Variants in ABTB1 observed in about 807,000 individuals in gnomAD.
ABTB1 encodes ankyrin repeat and BTB domain containing 1, also known as ankyrin repeat and BTB/POZ domain-containing protein 1.
A neutral mutation model predicts 57.1 loss-of-function variants in ABTB1; 45 were observed. The observed-to-expected ratio is 0.79, with a 90% CI of 0.62 to 1.01. ABTB1 has a LOEUF of 1.01. Ranked by LOEUF, ABTB1 falls within the 50% of genes least tolerant of loss-of-function variation. ABTB1 has a pLI of 0.00. For synonymous variants in ABTB1, 302 were observed against 275.4 expected, an observed-to-expected ratio of 1.10 and a Z score of -0.95; for missense variants, 630 against 666.3, an observed-to-expected ratio of 0.95 and a Z score of 0.60.
chr3:127,674,815 GC>G (rs1463784399), intron 3 of ABTB1, among the ~76,000 whole-genome samples: 1 of 152,162 alleles, frequency 6.6e-6, no homozygotes, highest in Non-Finnish European at 1.5e-5. Context: ...TACGACCTGG[GC>G]CCAGTCATCA....
At position 127,675,638 on chromosome 3, in the gene ABTB1, A is replaced by G. The variant is rs116608050; in HGVS notation, c.176-332A>G. ...AGTGGGTTGATTGTCCTGCCTCACT[A>G]GAGTATAAGTTCAGCAGGACAGGGA... On this transcript the variant is annotated intron_variant, in intron 3 of 11. Transcript: ENST00000232744. The G allele has an allele frequency of 7.4e-3, 2,478 of 334,708 alleles. 58 individuals carry two copies. Among genetic ancestry groups the G allele is most frequent in the African/African-American group, 0.034 (1,681 of 49,144 alleles). The allele number at this position is 334,708 out of a possible 1,614,324, so 20.7% of individuals were successfully genotyped here.
intron 10 of ABTB1, 35 bp downstream of exon 10, chr3:127,677,878 A>G (rs1201116638): frequency 1.2e-6 from 2 of 1,602,522 alleles, no homozygotes; most frequent in African/African-American, 1.3e-5. Context: ...ATGGCACACA[A>G]CCTGTGCTGC....
intron 8 of ABTB1, 77 bp downstream of exon 8, chr3:127,677,363 A>G: frequency 6.4e-7 from 1 of 1,561,396 alleles, no homozygotes; most frequent in Middle Eastern, 1.8e-4. Context: ...ACTTGGGCTC[A>G]ATTCCTTGTG....
At position 127,672,991 on chromosome 3, in the gene ABTB1, C is replaced by G. The variant is rs755913896; in HGVS notation, c.-35C>G. ...CCGCCGGGTGCGCGGCTTCGCCGCC[C>G]GAGGTCGTTCGGCTCGGGTACCATC... On this transcript the variant is annotated 5_prime_UTR_variant, in exon 1 of 12. Transcript: ENST00000232744. 9 of 1,533,886 alleles carry G rather than the reference C, an allele frequency of 5.9e-6. No homozygotes were observed. The highest frequency in any genetic ancestry group is 4.3e-5 in the African/African-American group (3 of 70,436).
intron 1 of ABTB1, chr3:127,673,360 G>C (rs1441049516): frequency 2.9e-5 from 8 of 278,542 alleles, no homozygotes; most frequent in Non-Finnish European, 4.6e-5. Flanking sequence ...TGGGCGGAGA[G>C]AAGGCGGGCC....
intron 1 of ABTB1, 80 bp downstream of exon 1, chr3:127,673,161 G>A (rs2074887495): frequency 6.6e-6 from 9 of 1,365,194 alleles, no homozygotes; most frequent in Non-Finnish European, 7.6e-6. Context: ...GGGCGGCTGG[G>A]CGGCCGCGGA....
chr3:127,679,870 A>G, intron 10 of ABTB1, 115 bp from the exon 11 acceptor site: 4 of 914,740 alleles, frequency 4.4e-6, no homozygotes, highest in Non-Finnish European at 6.5e-6. Context: ...TCCTACTCCC[A>G]CTGGAAGCCT....
chr3:127,679,573 C>T (rs1478275951), intron 10 of ABTB1: 3 of 462,442 alleles, frequency 6.5e-6, no homozygotes, highest in Non-Finnish European at 8.7e-6. Flanking sequence ...ATTCTGACAG[C>T]CCCCGCAGGT....
intron 10 of ABTB1, chr3:127,679,760 G>C (rs567752432): frequency 1.7e-6 from 1 of 595,178 alleles, no homozygotes; most frequent in East Asian, 2.9e-5. Flanking sequence ...CTCAGGGCAT[G>C]GGAGAACCCC....
chr3:127,680,202 C>T lies in ABTB1; in HGVS notation c.1230+17C>T. Reference sequence around the variant, plus strand: ...ATTGAGAAGGTGGGCCAGTGGTCTGCAGTGGGTGGGAAGGAGGGGTGAGAG... The same window carrying T: ...ATTGAGAAGGTGGGCCAGTGGTCTGTAGTGGGTGGGAAGGAGGGGTGAGAG... On this transcript the variant is annotated intron_variant, in intron 11 of 11. Coordinates refer to ENST00000232744, the MANE Select transcript of ABTB1 (RefSeq NM_172027.3). The T allele has an allele frequency of 3.1e-6, 5 of 1,613,552 alleles. No homozygotes were observed. Among genetic ancestry groups the T allele is most frequent in the Non-Finnish European group, 4.2e-6 (5 of 1,179,776 alleles).
chr3:127,677,119 CGGCCTGGCAGGGCT>C (rs1559887259), intron 7 of ABTB1, 35 bp from the exon 8 acceptor site: 3 of 1,612,830 alleles, frequency 1.9e-6, no homozygotes, highest in African/African-American at 2.7e-5. Flanking sequence ...GCCATGGGTG[CGGCCTGGCAGGGCT>C]GGCCTGGCTC....
intron 9 of ABTB1, 33 bp downstream of exon 9, chr3:127,677,596 G>T: frequency 6.2e-7 from 1 of 1,613,542 alleles, no homozygotes. Context: ...CCTGGCCCCA[G>T]CCCGTTGCCC....
chr3:127,676,437 T>A lies in ABTB1; in HGVS notation c.480+6T>A, dbSNP rs1345658144. 3 of 1,613,878 alleles carry A rather than the reference T, an allele frequency of 1.9e-6. No homozygotes were observed. In the African/African-American group the frequency reaches 4.0e-5, roughly 22 times the overall value. On this transcript the variant is annotated splice_donor_region_variant and intron_variant, in intron 5 of 11. Transcript: ENST00000232744. This position sits in a 1 kb window ranked among gnomAD's most constrained non-coding sequence, Gnocchi z 5.4. ...TGGTTCTCAGGCACCCACTGGTATG[T>A]CCCTTCAGGGTGGCAGAGGGGCATG...
At chr3:127,673,878 A>G (rs2074911469) in intron 1 of ABTB1, among the ~76,000 whole-genome samples, 1 of 152,160 alleles carries the variant, frequency 6.6e-6, no homozygotes, top group African/African-American at 2.4e-5. Flanking sequence ...CCCCCGCCTC[A>G]GTGGGGCTGC....
Position 127,676,869 on chromosome 3 carries a change from C to T in ABTB1, c.527-98C>T. On this transcript the variant is annotated intron_variant, in intron 6 of 11. Coordinates refer to ENST00000232744, the MANE Select transcript of ABTB1 (RefSeq NM_172027.3). The surrounding 1 kb of genome is among the most constrained non-coding windows in gnomAD (Gnocchi z 5.4). ...GCAAGTGGGCCCAGGAGTCCTAGTCCTGCAGCCAGGTGGCCAGGTGGGAGG... is the reference window on the plus strand; with the variant it reads ...GCAAGTGGGCCCAGGAGTCCTAGTCTTGCAGCCAGGTGGCCAGGTGGGAGG... The T allele has an allele frequency of 8.0e-7, 1 of 1,251,256 alleles. No individual in the cohort carries two copies. The highest frequency in any genetic ancestry group is 1.1e-6 in the Non-Finnish European group (1 of 886,952). The allele number at this position is 1,251,256 out of a possible 1,614,324, so 77.5% of individuals were successfully genotyped here.
chr3:127,676,312 G>A lies in ABTB1; in HGVS notation c.361G>A (p.Val121Ile), dbSNP rs773759112. 6.2e-7 allele frequency: 1 copy of A among 1,614,082 alleles called. No homozygotes were observed. The highest frequency in any genetic ancestry group is 1.1e-5 in the South Asian group (1 of 91,084). Residue 121 changes from valine (V) to isoleucine (I), a missense_variant, in exon 5 of 12, where the codon GTA becomes ATA. Val to Ile is a conservative substitution (Grantham distance 29, BLOSUM62 3). This residue lies in a region of ABTB1 where 579 missense variants were observed against 585.9 expected (regional missense o/e 0.99). Coordinates refer to ENST00000232744, the MANE Select transcript of ABTB1 (RefSeq NM_172027.3). This position sits in a 1 kb window ranked among gnomAD's most constrained non-coding sequence, Gnocchi z 5.4. Reference sequence around the variant, plus strand: ...CATCCACAGTGACGTGGTCTTTGTAGTACACGGGAAGCCATTCCGGGTGCA... The same window carrying A: ...CATCCACAGTGACGTGGTCTTTGTAATACACGGGAAGCCATTCCGGGTGCA... The part of the protein sequence containing the change: ...QGIHSDVVFV[V>I]HGKPFRVHRC...
Position 127,677,573 on chromosome 3 carries a change from C to T in ABTB1, c.861+10C>T. ...CTTCCTCTGCCACAAGGTGCCTGTG[C>T]CCTCCTGTTGCCCCTGGCCCCAGCC... is the stretch of plus-strand genomic sequence containing the variant. On this transcript the variant is annotated intron_variant, in intron 9 of 11. Coordinates refer to ENST00000232744, the MANE Select transcript of ABTB1 (RefSeq NM_172027.3). The T allele has an allele frequency of 6.2e-7, 1 of 1,613,786 alleles. No individual in the cohort carries two copies. Among genetic ancestry groups the T allele is most frequent in the Non-Finnish European group, 8.5e-7 (1 of 1,179,988 alleles).
chr3:127,680,670 C>T lies in ABTB1; in HGVS notation c.*195C>T, dbSNP rs1333037615. ...GGATCCATTTGGGATGAGCCCCCTC[C>T]CCCCAATGCACAAGCCAGCCCCCAA... On this transcript the variant is annotated 3_prime_UTR_variant, in exon 12 of 12. Coordinates refer to ENST00000232744, the MANE Select transcript of ABTB1 (RefSeq NM_172027.3). 3.9e-6 allele frequency: 3 copies of T among 763,376 alleles called. No homozygotes were observed. Among genetic ancestry groups the T allele is most frequent in the African/African-American group, 1.7e-5 (1 of 57,324 alleles). 47.3% of individuals were successfully genotyped at this position (763,376 alleles called of 1,614,324 possible). A position where few individuals can be genotyped will look rare whatever the true frequency, so the allele number is the denominator to read the frequency against.
intron 1 of ABTB1, among the ~76,000 whole-genome samples, chr3:127,673,950 C>T (rs1178018912): frequency 6.6e-6 from 1 of 152,250 alleles, no homozygotes; most frequent in African/African-American, 2.4e-5. Context: ...TATCCCGCGA[C>T]TCCTGCCTCC....
Sources: gnomAD v4.1 joint callset for allele counts (sites outside exome capture counted in the v4.1 genomes callset) on GRCh38, gnomAD v4.1.1 for gene constraint, gnomAD v4.1.1 regional missense constraint, Gnocchi (gnomAD v3.1) non-coding constraint, MANE v1.5 for transcripts, NCBI Gene and HGNC (gene_info 2026-07-23, HGNC 2026-07-21) for gene names.